The following KAT7 variants were observed in gnomAD, a reference collection of about 807,000 sequenced individuals.
KAT7 encodes the protein histone acetyltransferase KAT7.
In KAT7, 10 loss-of-function variants were observed where a neutral mutation model predicts 82.1. That is an observed-to-expected ratio of 0.12 (90% CI 0.08 to 0.21). The LOEUF is 0.21. Among genes scored for constraint, KAT7 ranks in the 10% least tolerant of loss-of-function variants. The pLI is 1.00. For missense variants in KAT7, 378 were observed against 760.9 expected, an observed-to-expected ratio of 0.50 and a Z score of 5.92; for synonymous variants, 250 against 262.5, an observed-to-expected ratio of 0.95 and a Z score of 0.46.
chr17:49,789,235 G>C (rs1190246606), intron 1 of KAT7: 1 of 177,700 alleles, frequency 5.6e-6, no homozygotes, highest in Non-Finnish European at 1.2e-5. Flanking sequence ...CTCCTCTCCT[G>C]ATTGGTCGAG....
At chr17:49,802,369 C>T (rs1203086540) in intron 4 of KAT7, among the ~76,000 whole-genome samples, 1 of 152,042 alleles carries the variant, frequency 6.6e-6, no homozygotes, top group African/African-American at 2.4e-5. Context: ...GAATAAATTA[C>T]TAAGAAGTAT....
chr17:49,805,023 T>TA (rs941003145), intron 4 of KAT7, among the ~76,000 whole-genome samples: 6 of 152,218 alleles, frequency 3.9e-5, no homozygotes, highest in African/African-American at 1.4e-4. Flanking sequence ...ATAGGAGAGT[T>TA]ACATTCCACC....
chr17:49,805,637 T>C (rs1252821823), intron 5 of KAT7, among the ~76,000 whole-genome samples, 192 bp downstream of exon 5: 1 of 152,210 alleles, frequency 6.6e-6, no homozygotes, highest in Non-Finnish European at 1.5e-5. Context: ...AGAATTGTAA[T>C]ATGTAATGAG....
intron 4 of KAT7, among the ~76,000 whole-genome samples, chr17:49,800,870 C>CAT (rs528979089): frequency 6.6e-5 from 10 of 151,964 alleles, no homozygotes; most frequent in Non-Finnish European, 1.5e-4. Flanking sequence ...GTATATGTGA[C>CAT]ATATATATGT....
At chr17:49,819,826 G>T (rs935131255) in intron 9 of KAT7, among the ~76,000 whole-genome samples, 1 of 152,232 alleles carries the variant, frequency 6.6e-6, no homozygotes, top group Admixed American at 6.5e-5. Flanking sequence ...GAGTAAAGGG[G>T]TAGAGATAGG....
chr17:49,797,071 T>G, intron 3 of KAT7, 145 bp downstream of exon 3: 1 of 658,054 alleles, frequency 1.5e-6, no homozygotes. Flanking sequence ...TATGTCTTTT[T>G]TTTTTTTTTT....
rs979942071 is a variant in KAT7 at position 49,830,664 on chromosome 17, C to T, written c.*3162C>T. ...TGCCTCATTTGACCCTCATATTAGCCCTGTACAGTAGATGGGTACACTGGT... is the reference window on the plus strand; with the variant it reads ...TGCCTCATTTGACCCTCATATTAGCTCTGTACAGTAGATGGGTACACTGGT... On this transcript the variant is annotated 3_prime_UTR_variant, in exon 15 of 15. Transcript: ENST00000259021. 6.6e-6 allele frequency: 1 copy of T among 152,106 alleles called. No homozygotes were observed. Among genetic ancestry groups the T allele is most frequent in the Non-Finnish European group, 1.5e-5 (1 of 68,044 alleles). The allele number at this position is 152,106 out of a possible 1,614,324, so 9.4% of individuals were successfully genotyped here.
chr17:49,792,994 G>T (rs1363607974), intron 2 of KAT7, among the ~76,000 whole-genome samples: 1 of 152,004 alleles, frequency 6.6e-6, no homozygotes, highest in Non-Finnish European at 1.5e-5. Context: ...TTTGTTTTTT[G>T]TAGAGATGAG....
chr17:49,829,055 T>G lies in KAT7; in HGVS notation c.*1553T>G, dbSNP rs2144008050. 6.5e-6 allele frequency: 1 copy of G among 152,806 alleles called. No homozygotes were observed. The highest frequency in any genetic ancestry group is 2.1e-4 in the South Asian group (1 of 4,830). The allele number at this position is 152,806 out of a possible 1,614,324, so 9.5% of individuals were successfully genotyped here. ...CTTCCCCACATGTGGTAGAATGTGC[T>G]CTTCTATATCTACTCCTCAATAAAG... On this transcript the variant is annotated 3_prime_UTR_variant, in exon 15 of 15. Coordinates refer to ENST00000259021, the MANE Select transcript of KAT7 (RefSeq NM_007067.5).
At chr17:49,811,842 C>T (rs2074169689) in intron 7 of KAT7, among the ~76,000 whole-genome samples, 1 of 152,118 alleles carries the variant, frequency 6.6e-6, no homozygotes, top group Admixed American at 6.6e-5. Flanking sequence ...ATTTTACTTT[C>T]ATCTTAAAGG....
chr17:49,815,873 A>T lies in KAT7; in HGVS notation c.923A>T (p.Asp308Val). 1 of 1,613,892 alleles carries T rather than the reference A, an allele frequency of 6.2e-7. No individual in the cohort carries two copies. Among genetic ancestry groups the T allele is most frequent in the Non-Finnish European group, 8.5e-7 (1 of 1,179,842 alleles). Residue 308 changes from aspartate to valine, a missense_variant, in exon 8 of 15, where the codon GAT becomes GTT. By Grantham distance (152) the Asp-to-Val change is radical. Coordinates refer to ENST00000259021, the MANE Select transcript of KAT7 (RefSeq NM_007067.5). ...LENLTSEYDL[D>V]LFRRAQARAS... ...AACCTGACAAGCGAGTATGACTTGG[A>T]TCTTTTCCGAAGAGCACAAGCCCGG...
chr17:49,820,747 C>CT (rs776024422), intron 9 of KAT7, among the ~76,000 whole-genome samples: 5,381 of 98,930 alleles, frequency 0.054, 159 homozygotes, highest in African/African-American at 0.078. Context: ...GGCTGCTTGC[C>CT]TTTTTTTTTT....
intron 6 of KAT7, 33 bp from the exon 7 acceptor site, chr17:49,811,443 G>A (rs2074163954): frequency 2.6e-6 from 3 of 1,132,672 alleles, no homozygotes; most frequent in African/African-American, 3.2e-5. Context: ...TTTATAAGGA[G>A]TTTTCTCTCA....
At chr17:49,795,394 C>T (rs1344266456) in intron 2 of KAT7, 1 of 240,402 alleles carries the variant, frequency 4.2e-6, no homozygotes, top group Non-Finnish European at 8.7e-6. Flanking sequence ...CAGACTTTTC[C>T]AGAAGTGCTG....
At chr17:49,806,492 C>T (rs949192282) in intron 5 of KAT7, among the ~76,000 whole-genome samples, 25 of 152,098 alleles carry the variant, frequency 1.6e-4, no homozygotes, top group African/African-American at 6.0e-4. Flanking sequence ...CCATTGTCCT[C>T]CCATTATTCT....
rs2074390201 is a variant in KAT7 at position 49,828,185 on chromosome 17, TGATTTGAGTTCACCTGTG to T, written c.*685_*702del. On this transcript the variant is annotated 3_prime_UTR_variant, in exon 15 of 15. Transcript: ENST00000259021. ...AATGAAGGGGTGGTGGTTCTGGGTT[TGATTTGAGTTCACCTGTG>T]GGCAGTGGGCAGTGGGCAGTGTCTT... The T allele has an allele frequency of 6.6e-6, 1 of 152,244 alleles. No individual in the cohort carries two copies. The highest frequency in any genetic ancestry group is 2.4e-5 in the African/African-American group (1 of 41,382). 9.4% of individuals were successfully genotyped at this position (152,244 alleles called of 1,614,324 possible).
chr17:49,823,107 G>A lies in KAT7; in HGVS notation c.1387-95G>A, dbSNP rs960239360. On this transcript the variant is annotated intron_variant, in intron 11 of 14. Coordinates refer to ENST00000259021, the MANE Select transcript of KAT7 (RefSeq NM_007067.5). ...ACTCCTTGGGACTGGTTAGCCAGAT[G>A]TTTTGCAAGCAGCCTTATTTTGCAT... is the stretch of plus-strand genomic sequence containing the variant. The A allele has an allele frequency of 1.6e-5, 12 of 733,480 alleles. No homozygotes were observed. In the East Asian group the frequency reaches 3.0e-4, roughly 18 times the overall value. The allele number at this position is 733,480 out of a possible 1,614,324, so 45.4% of individuals were successfully genotyped here. A position where few individuals can be genotyped will look rare whatever the true frequency, so the allele number is the denominator to read the frequency against.
chr17:49,795,342 G>C (rs185060224), intron 2 of KAT7: 4 of 185,554 alleles, frequency 2.2e-5, no homozygotes, highest in Admixed American at 1.8e-4. Context: ...GCATCACCAC[G>C]ATGGTGTTGT....
chr17:49,834,434 T>A lies in KAT7; in HGVS notation c.*6932T>A, dbSNP rs934343410. On this transcript the variant is annotated 3_prime_UTR_variant, in exon 15 of 15. Transcript: ENST00000259021. ...TGTTGGGATTACAGGCATGAGCCGC[T>A]GCGCCCAACCTTCTTCTGCTGTCGA... is the stretch of plus-strand genomic sequence containing the variant. 3.3e-5 allele frequency: 5 copies of A among 152,316 alleles called. No individual in the cohort carries two copies. The highest frequency in any genetic ancestry group is 6.5e-5 in the Admixed American group (1 of 15,286). 9.4% of individuals were successfully genotyped at this position (152,316 alleles called of 1,614,324 possible).
Sources: allele counts gnomAD v4.1 joint callset (sites outside exome capture counted in the v4.1 genomes callset), GRCh38; gene constraint gnomAD v4.1.1; transcripts MANE v1.5; gene names NCBI Gene and HGNC (gene_info 2026-07-23, HGNC 2026-07-21).